Variants in ROBO2 observed in about 807,000 individuals in gnomAD.
The protein encoded by ROBO2 is roundabout guidance receptor 2, also known as roundabout homolog 2.
In ROBO2, 53 loss-of-function variants were observed where a neutral mutation model predicts 160.8. The observed-to-expected ratio is 0.33, with a 90% confidence interval of 0.26 to 0.41. The LOEUF (loss-of-function observed/expected upper bound fraction) is 0.41, where lower values mean the gene tolerates loss of function less well. Among genes scored for constraint, ROBO2 ranks in the 10% least tolerant of loss-of-function variants. The probability of loss-of-function intolerance (pLI) is 1.00; values close to 1 mark genes in which losing one functional copy is unlikely to be tolerated. For missense variants in ROBO2, 1,577 were observed against 1,722.4 expected, an observed-to-expected ratio of 0.92 and a Z score of 1.49; for synonymous variants, 664 against 611.7, an observed-to-expected ratio of 1.09 and a Z score of -1.26.
At chr3:77,564,640 G>T in intron 11 of ROBO2, 1 of 460,230 alleles carries the variant, frequency 2.2e-6, no homozygotes, top group South Asian at 2.0e-5. Context: ...TAAACTTGAT[G>T]TTGTGATCTT....
intron 2 of ROBO2, among the ~76,000 whole-genome samples, chr3:77,334,897 A>G (rs2066332948): frequency 6.6e-6 from 1 of 152,154 alleles, no homozygotes; most frequent in Non-Finnish European, 1.5e-5. Flanking sequence ...ACGATTATCT[A>G]TTGTAAGGTT....
rs191484453 is a variant in ROBO2 at position 76,085,118 on chromosome 3, C to T, written c.109+147516C>T. 9.2e-4 allele frequency among the ~76,000 whole-genome samples: 135 copies of T among 146,452 alleles called. 1 individual carries two copies. Among genetic ancestry groups the T allele is most frequent in the East Asian group, 4.6e-3 (23 of 4,954 alleles). Reference sequence around the variant, plus strand: ...CCCAGTTTACATATATATATATATACACACACACACACACACACACACATA... The same window carrying T: ...CCCAGTTTACATATATATATATATATACACACACACACACACACACACATA... On this transcript the variant is annotated intron_variant, in intron 2 of 26. Transcript: ENST00000487694.
At chr3:76,532,811 A>G (rs1448253636) in intron 2 of ROBO2, among the ~76,000 whole-genome samples, 2 of 152,226 alleles carry the variant, frequency 1.3e-5, no homozygotes, top group South Asian at 4.1e-4. Flanking sequence ...ACCTGTTCTC[A>G]TGCTACCCCA....
Position 76,823,340 on chromosome 3 carries a change from T to C in ROBO2, c.110-274674T>C, listed in dbSNP as rs537542921. Among the ~76,000 whole-genome samples the C allele has an allele frequency of 1.1e-4, 16 of 152,274 alleles. No individual in the cohort carries two copies. The South Asian group carries it at 3.1e-3, about 30-fold the overall frequency. On this transcript the variant is annotated intron_variant, in intron 2 of 26. Coordinates refer to the ROBO2 transcript ENST00000487694. Reference sequence around the variant, plus strand: ...GAGAAGAATTCAAAACAGCAAACTTTAAAAATATTTTCTTTGTTTAGAGAA... The same window carrying C: ...GAGAAGAATTCAAAACAGCAAACTTCAAAAATATTTTCTTTGTTTAGAGAA...
At chr3:76,330,901 C>T (rs2073435452) in intron 2 of ROBO2, among the ~76,000 whole-genome samples, 1 of 152,220 alleles carries the variant, frequency 6.6e-6, no homozygotes, top group Non-Finnish European at 1.5e-5. Context: ...CTACCTAGCA[C>T]AGCCTCATCT....
intron 2 of ROBO2, among the ~76,000 whole-genome samples, chr3:76,374,950 T>C (rs1415785646): frequency 6.6e-6 from 1 of 151,708 alleles, no homozygotes; most frequent in East Asian, 1.9e-4. Context: ...TCTTTTTTTT[T>C]TTTTTCAGAT....
intron 2 of ROBO2, among the ~76,000 whole-genome samples, chr3:77,108,074 C>A (rs939071485): frequency 6.6e-6 from 1 of 151,322 alleles, no homozygotes; most frequent in East Asian, 1.9e-4. Flanking sequence ...TTATATAAAT[C>A]CACCTACCTC....
intron 2 of ROBO2, among the ~76,000 whole-genome samples, chr3:76,902,451 T>A (rs563115276): frequency 1.3e-5 from 2 of 152,250 alleles, no homozygotes; most frequent in South Asian, 4.1e-4. Context: ...AATTTTAAGA[T>A]AATTTCATAA....
At chr3:76,368,690 G>T (rs922520774) in intron 2 of ROBO2, among the ~76,000 whole-genome samples, 1 of 151,898 alleles carries the variant, frequency 6.6e-6, no homozygotes, top group African/African-American at 2.4e-5. Flanking sequence ...AAAATAGCAC[G>T]ATTTCTCTTT....
At chr3:77,129,144 G>C (rs746330399) in intron 2 of ROBO2, among the ~76,000 whole-genome samples, 5 of 151,048 alleles carry the variant, frequency 3.3e-5, no homozygotes, top group Non-Finnish European at 7.4e-5. Flanking sequence ...TTTATTTTTA[G>C]TAATAATTAT....
intron 2 of ROBO2, among the ~76,000 whole-genome samples, chr3:77,006,517 G>C (rs1319269792): frequency 6.6e-6 from 1 of 151,948 alleles, no homozygotes; most frequent in Non-Finnish European, 1.5e-5. Flanking sequence ...CAGGAAGAAG[G>C]TCATGGAGTG....
chr3:77,098,057 G>A (rs964197584), exon 2 of ROBO2: 2 of 1,593,428 alleles, frequency 1.3e-6, no homozygotes, highest in Middle Eastern at 1.7e-4. Context: ...GGATTGTGGA[G>A]CATCCTTCCG....
At chr3:76,073,354 C>T (rs1289661381) in intron 2 of ROBO2, among the ~76,000 whole-genome samples, 4 of 120,412 alleles carry the variant, frequency 3.3e-5, no homozygotes, top group South Asian at 2.9e-4. Context: ...AGTGCAGGGG[C>T]GCGATCTGGG....
intron 2 of ROBO2, among the ~76,000 whole-genome samples, chr3:77,354,409 A>G (rs943040047): frequency 6.6e-6 from 1 of 151,922 alleles, no homozygotes; most frequent in African/African-American, 2.4e-5. Context: ...GCACTTGTTG[A>G]CTTAATTTTA....
intron 2 of ROBO2, among the ~76,000 whole-genome samples, chr3:76,143,713 A>G (rs2071772681): frequency 6.6e-6 from 1 of 152,106 alleles, no homozygotes; most frequent in African/African-American, 2.4e-5. Context: ...TAATATAGAT[A>G]GATTGGTAGA....
chr3:76,193,890 A>C (rs771035924), intron 2 of ROBO2, among the ~76,000 whole-genome samples: 9 of 152,164 alleles, frequency 5.9e-5, no homozygotes, highest in Non-Finnish European at 1.0e-4. Flanking sequence ...TTTCAGAATT[A>C]AGACTGTTAT....
intron 2 of ROBO2, among the ~76,000 whole-genome samples, chr3:75,970,423 T>C (rs1257627259): frequency 6.6e-6 from 1 of 151,550 alleles, no homozygotes; most frequent in East Asian, 2.0e-4. Flanking sequence ...AGCATTTTCA[T>C]GATGAGGCTG....
chr3:77,112,004 G>A (rs1478199168), intron 2 of ROBO2, among the ~76,000 whole-genome samples: 2 of 151,854 alleles, frequency 1.3e-5, no homozygotes, highest in Non-Finnish European at 2.9e-5. Flanking sequence ...TTGAGCCCAG[G>A]CGTTCAAGAC....
chr3:77,346,304 T>C (rs1476190720), intron 2 of ROBO2, among the ~76,000 whole-genome samples: 2 of 152,150 alleles, frequency 1.3e-5, no homozygotes, highest in Non-Finnish European at 2.9e-5. Flanking sequence ...TAAACTTCAT[T>C]AGTGTAGTGA....
Sources: allele counts gnomAD v4.1 joint callset (sites outside exome capture counted in the v4.1 genomes callset), GRCh38; gene constraint gnomAD v4.1.1; transcripts MANE v1.5; gene names NCBI Gene and HGNC (gene_info 2026-07-23, HGNC 2026-07-21).